ABCB5: variants seen among roughly 807,000 people sequenced by gnomAD.
ABCB5 encodes the protein ATP-binding cassette sub-family B member 5.
ABCB5 carries 155 observed loss-of-function variants against 144.2 expected under a neutral mutation model. The ratio of observed to expected loss-of-function variants is 1.08; its 90% confidence interval spans 0.94 to 1.23. The LOEUF (loss-of-function observed/expected upper bound fraction) is 1.23, where lower values mean the gene tolerates loss of function less well. Ranked by LOEUF, ABCB5 falls within the 50% of genes most tolerant of loss-of-function variation. The pLI, the probability that ABCB5 is intolerant of heterozygous loss-of-function variation, is 0.00. For missense variants in ABCB5, 1,830 were observed against 1,520.8 expected (o/e 1.20, Z -3.38); for synonymous variants, 610 against 528.6 (o/e 1.15, Z -2.11).
At position 20,742,979 on chromosome 7, in the gene ABCB5, G is replaced by C. The variant is rs778512653; in HGVS notation, c.3127G>C (p.Gly1043Arg). 15 of 1,613,958 alleles carry C rather than the reference G, an allele frequency of 9.3e-6. No homozygotes were observed. The highest frequency in any genetic ancestry group is 1.3e-5 in the African/African-American group (1 of 74,908). ...LRGLSLSIERGKTVAFVGSSG... is the reference protein window; with the variant it reads ...LRGLSLSIERRKTVAFVGSSG... Reference sequence around the variant, plus strand: ...TGGCTTATCCCTCAGTATTGAGCGAGGAAAGACAGTAGCATTTGTGGGGAG... The same window carrying C: ...TGGCTTATCCCTCAGTATTGAGCGACGAAAGACAGTAGCATTTGTGGGGAG... The change falls in exon 25 of 28, where the codon GGA (glycine) becomes CGA (arginine). Residue 1043 changes from glycine (G) to arginine (R), a missense_variant. Coordinates refer to ENST00000404938, the MANE Select transcript of ABCB5 (RefSeq NM_001163941.2).
At chr7:20,662,090 A>G (rs1785021506) in intron 14 of ABCB5, among the ~76,000 whole-genome samples, 1 of 152,200 alleles carries the variant, frequency 6.6e-6, no homozygotes, top group Non-Finnish European at 1.5e-5. Context: ...ATTCTGTGAT[A>G]AAGCCTGTGA....
chr7:20,662,098 T>C (rs896889715), intron 14 of ABCB5, among the ~76,000 whole-genome samples: 1 of 152,190 alleles, frequency 6.6e-6, no homozygotes, highest in African/African-American at 2.4e-5. Flanking sequence ...ATAAAGCCTG[T>C]GAAAGCTCTG....
intron 25 of ABCB5, among the ~76,000 whole-genome samples, chr7:20,743,568 C>G (rs975739636): frequency 1.3e-5 from 2 of 152,156 alleles, no homozygotes; most frequent in African/African-American, 4.8e-5. Context: ...GTAATCTCCC[C>G]ATCCTTCGAA....
At position 20,695,106 on chromosome 7, in the gene ABCB5, G is replaced by T. The variant is rs554386042; in HGVS notation, c.2011-3301G>T. Among the ~76,000 whole-genome samples the T allele has an allele frequency of 1.1e-4, 16 of 152,026 alleles. No homozygotes were observed. In the South Asian group the frequency reaches 2.1e-3, roughly 20 times the overall value. The stretch of plus-strand genomic sequence containing the variant: ...TTAAAAAGAGCAAAGTTGGAAGAGG[G>T]ATACTACCTGATTTCAATTCTGTTT... On this transcript the variant is annotated intron_variant, in intron 16 of 27. Transcript: ENST00000404938.
chr7:20,622,876 T>C (rs1744704217), intron 1 of ABCB5, among the ~76,000 whole-genome samples: 1 of 152,098 alleles, frequency 6.6e-6, no homozygotes, highest in Non-Finnish European at 1.5e-5. Flanking sequence ...ACTGCATCAG[T>C]TTTTTAAAGA....
At chr7:20,653,157 T>A (rs1040080714) in intron 13 of ABCB5, among the ~76,000 whole-genome samples, 4 of 152,232 alleles carry the variant, frequency 2.6e-5, no homozygotes, top group African/African-American at 9.6e-5. Flanking sequence ...AGCTTTCTGA[T>A]GCCTCTTAAA....
At chr7:20,729,884 A>G (rs1782153361) in intron 23 of ABCB5, among the ~76,000 whole-genome samples, 1 of 152,200 alleles carries the variant, frequency 6.6e-6, no homozygotes, top group African/African-American at 2.4e-5. Flanking sequence ...CCCAAGTCTC[A>G]GGACATTACT....
chr7:20,699,935 C>A lies in ABCB5; in HGVS notation c.2259+6C>A. On this transcript the variant is annotated splice_donor_region_variant and intron_variant, in intron 18 of 27. Coordinates refer to ENST00000404938, the MANE Select transcript of ABCB5 (RefSeq NM_001163941.2). ...TTGTCAGTTATTTCATGCAGGTAAGCTTTTAATAAACAAGCCTGAGCATGA... is the reference window on the plus strand; with the variant it reads ...TTGTCAGTTATTTCATGCAGGTAAGATTTTAATAAACAAGCCTGAGCATGA... The A allele has an allele frequency of 6.2e-7, 1 of 1,608,432 alleles. No individual in the cohort carries two copies. The highest frequency in any genetic ancestry group is 8.5e-7 in the Non-Finnish European group (1 of 1,176,166).
At chr7:20,755,168 C>T (rs1375382056) in intron 27 of ABCB5, among the ~76,000 whole-genome samples, 8 of 152,104 alleles carry the variant, frequency 5.3e-5, no homozygotes, top group Non-Finnish European at 8.8e-5. Context: ...AGGCTGGTCT[C>T]GAACTCCTGA....
intron 23 of ABCB5, among the ~76,000 whole-genome samples, chr7:20,732,291 G>A (rs1210648047): frequency 3.9e-5 from 6 of 152,218 alleles, no homozygotes; most frequent in East Asian, 1.9e-4. Context: ...GACTTTCACC[G>A]ATGGTCCAAA....
At chr7:20,717,848 C>T (rs1781727476) in intron 20 of ABCB5, among the ~76,000 whole-genome samples, 1 of 135,266 alleles carries the variant, frequency 7.4e-6, no homozygotes, top group Admixed American at 7.7e-5. Context: ...TTATAATTAC[C>T]TTATCTCCAA....
Position 20,755,414 on chromosome 7 carries a change from T to C in ABCB5, c.3577-13T>C. 1 of 1,613,300 alleles carries C rather than the reference T, an allele frequency of 6.2e-7. No individual in the cohort carries two copies. Among genetic ancestry groups the C allele is most frequent in the Non-Finnish European group, 8.5e-7 (1 of 1,179,330 alleles). On this transcript the variant is annotated splice_polypyrimidine_tract_variant and intron_variant, in intron 27 of 27. Transcript: ENST00000404938. ...AACTCAAACTGGTGATCACAGGTCT[T>C]TCTCTCTTCCAGGTGGTTCAGCATG...
rs544007356 is a variant in ABCB5, at chr7:20,652,852, C to T, written c.1536+1229C>T. ...ATAAAATTCCACCATCCCAGAGGGT[C>T]ACAATAACAGAAATGTTTATTTTAA... On this transcript the variant is annotated intron_variant, in intron 13 of 27. Coordinates refer to ENST00000404938, the MANE Select transcript of ABCB5 (RefSeq NM_001163941.2). Among the ~76,000 whole-genome samples the T allele has an allele frequency of 5.9e-5, 9 of 152,284 alleles. 1 individual carries two copies. The South Asian group carries it at 1.7e-3, about 28-fold the overall frequency.
intron 27 of ABCB5, among the ~76,000 whole-genome samples, 180 bp downstream of exon 27, chr7:20,753,686 G>C (rs1783001405): frequency 6.6e-6 from 1 of 152,172 alleles, no homozygotes; most frequent in African/African-American, 2.4e-5. Flanking sequence ...GGGGAGGTGG[G>C]AGACAGTTGA....
At chr7:20,716,350 G>A (rs2128047670) in intron 20 of ABCB5, among the ~76,000 whole-genome samples, 1 of 152,100 alleles carries the variant, frequency 6.6e-6, no homozygotes, top group Admixed American at 6.5e-5. Flanking sequence ...TATATTTAAA[G>A]AACAATGAAT....
At chr7:20,638,836 T>C (rs937070479) in intron 5 of ABCB5, among the ~76,000 whole-genome samples, 1 of 152,230 alleles carries the variant, frequency 6.6e-6, no homozygotes, top group African/African-American at 2.4e-5. Context: ...TGTACACTTC[T>C]TTGTGTGAAC....
Position 20,648,060 on chromosome 7 carries a change from A to T in ABCB5, c.1188A>T (p.Pro396=), listed in dbSNP as rs1681210406. 6.3e-7 allele frequency: 1 copy of T among 1,596,542 alleles called. No homozygotes were observed. Among genetic ancestry groups the T allele is most frequent in the South Asian group, 1.1e-5 (1 of 90,462 alleles). The change falls in exon 11 of 28, where the codon CCA becomes CCT. Residue 396 remains proline (P), a synonymous_variant. Transcript: ENST00000404938. ...TTAAAAATGTTTCTTTCAATTATCC[A>T]TCAAGACCATCTATCAAGGTAGGTT... ...VEFKNVSFNY[P]SRPSIKILKG...
chr7:20,692,067 T>A (rs1413579981), intron 16 of ABCB5, among the ~76,000 whole-genome samples: 1 of 152,138 alleles, frequency 6.6e-6, no homozygotes, highest in Admixed American at 6.5e-5. Context: ...GAAGTCCAAA[T>A]CATTGAAGAA....
intron 14 of ABCB5, among the ~76,000 whole-genome samples, chr7:20,672,701 G>A (rs1376516175): frequency 1.3e-5 from 2 of 152,076 alleles, no homozygotes; most frequent in African/African-American, 2.4e-5. Context: ...TGTGATATAA[G>A]GTACAGTTTA....
Sources: allele counts gnomAD v4.1 joint callset (sites outside exome capture counted in the v4.1 genomes callset), GRCh38; gene constraint gnomAD v4.1.1; transcripts MANE v1.5; gene names NCBI Gene and HGNC (gene_info 2026-07-23, HGNC 2026-07-21).